PREX2: variants seen among roughly 807,000 people sequenced by gnomAD.
PREX2 encodes phosphatidylinositol 3,4,5-trisphosphate-dependent Rac exchanger 2 protein.
A neutral mutation model predicts 203.2 loss-of-function variants in PREX2; 107 were observed. That is an observed-to-expected ratio of 0.53 (90% CI 0.45 to 0.62). PREX2 has a LOEUF of 0.62. Ranked by LOEUF, PREX2 falls within the 20% of genes least tolerant of loss-of-function variation. The probability of loss-of-function intolerance (pLI) is 0.00; values close to 1 mark genes in which losing one functional copy is unlikely to be tolerated. For missense variants in PREX2, 1,777 were observed against 1,955.9 expected, an observed-to-expected ratio of 0.91 and a Z score of 1.72; for synonymous variants, 672 against 663.6, an observed-to-expected ratio of 1.01 and a Z score of -0.19.
At chr8:67,964,799 G>C (rs532068138) in intron 1 of PREX2, among the ~76,000 whole-genome samples, 3 of 152,224 alleles carry the variant, frequency 2.0e-5, no homozygotes, top group African/African-American at 7.2e-5. Context: ...ATTAACTCAC[G>C]ACTTAGAACT....
chr8:68,153,837 T>G (rs1212502725), intron 34 of PREX2, among the ~76,000 whole-genome samples: 2 of 152,244 alleles, frequency 1.3e-5, no homozygotes, highest in African/African-American at 4.8e-5. Context: ...ACTTTTCCAA[T>G]TTTTAAAAAA....
Position 68,118,122 on chromosome 8 carries a change from G to A in PREX2, c.3327-428G>A, listed in dbSNP as rs532586761. On this transcript the variant is annotated intron_variant, in intron 26 of 39. Transcript: ENST00000288368. ...TGTAATCCCAGCACTTTGGGAGGCC[G>A]AGGTGGGCGGATCACAAGGTCAGGA... Among the ~76,000 whole-genome samples the A allele has an allele frequency of 2.8e-4, 43 of 152,204 alleles. 1 individual carries two copies. Among genetic ancestry groups the A allele is most frequent in the South Asian group, 1.0e-3 (5 of 4,816 alleles).
In PREX2 at chr8:68,055,890, T is replaced by C; in HGVS notation, c.1154T>C (p.Leu385Pro). ...WVMISEQGEK[L>P]YKMMCRQGNL... Reference sequence around the variant, plus strand: ...ATGATCTCTGAACAGGGTGAGAAACTTTATAAAATGATGTGCAGACAAGGA... The same window carrying C: ...ATGATCTCTGAACAGGGTGAGAAACCTTATAAAATGATGTGCAGACAAGGA... The change falls in exon 10 of 40, where the codon CTT becomes CCT. Residue 385 changes from leucine to proline, a missense_variant. Physicochemically the swap from Leu to Pro is moderately conservative, Grantham distance 98 (BLOSUM62 -3). Transcript: ENST00000288368. 6.2e-7 allele frequency: 1 copy of C among 1,613,466 alleles called. No individual in the cohort carries two copies. The highest frequency in any genetic ancestry group is 8.5e-7 in the Non-Finnish European group (1 of 1,179,486).
At position 68,080,752 on chromosome 8, in the gene PREX2, T is replaced by C. The variant is rs190257832; in HGVS notation, c.1792T>C (p.Ser598Pro). The C allele has an allele frequency of 6.4e-7, 1 of 1,554,874 alleles. No individual in the cohort carries two copies. Among genetic ancestry groups the C allele is most frequent in the East Asian group, 2.2e-5 (1 of 44,576 alleles). Reference protein sequence around the residue: ...NVIAKSLLIKSNEGSYGFGLE... With the variant: ...NVIAKSLLIKPNEGSYGFGLE... ...TTAATATTTTGCATTTCAGATTAAATCCAATGAAGGCAGCTATGGCTTTGG... is the reference window on the plus strand; with the variant it reads ...TTAATATTTTGCATTTCAGATTAAACCCAATGAAGGCAGCTATGGCTTTGG... Residue 598 changes from serine to proline, a missense_variant, in exon 17 of 40, where the codon TCC (serine) becomes CCC (proline). Ser to Pro is a moderately conservative substitution (Grantham distance 74). Coordinates refer to ENST00000288368, the MANE Select transcript of PREX2 (RefSeq NM_024870.4).
At chr8:68,155,863 A>T (rs543509267) in intron 34 of PREX2, among the ~76,000 whole-genome samples, 1 of 152,292 alleles carries the variant, frequency 6.6e-6, no homozygotes, top group Admixed American at 6.5e-5. Flanking sequence ...TTAAAAAGGA[A>T]ATTTATATGC....
chr8:68,108,903 A>C (rs1434761), intron 24 of PREX2: 76,033 of 275,188 alleles, frequency 0.28, 11,026 homozygotes, highest in South Asian at 0.34. Context: ...TGACAACATA[A>C]ATGAACCTGG....
chr8:68,146,477 A>G, intron 34 of PREX2, 125 bp downstream of exon 34: 2 of 847,882 alleles, frequency 2.4e-6, no homozygotes, highest in Non-Finnish European at 1.8e-6. Flanking sequence ...TAGCCAATAT[A>G]TTTGCTTCTG....
chr8:68,073,189 T>C (rs1407845961), intron 14 of PREX2, among the ~76,000 whole-genome samples: 1 of 150,906 alleles, frequency 6.6e-6, no homozygotes, highest in Admixed American at 6.7e-5. Flanking sequence ...TAAGTATTGG[T>C]ATTCAAATAT....
chr8:67,993,189 C>T (rs1056628485), intron 1 of PREX2, among the ~76,000 whole-genome samples: 1 of 152,170 alleles, frequency 6.6e-6, no homozygotes, highest in South Asian at 2.1e-4. Context: ...AAATAGTTTT[C>T]TCAAGTTAAA....
At chr8:68,113,510 G>A (rs1810577065) in intron 25 of PREX2, among the ~76,000 whole-genome samples, 1 of 152,156 alleles carries the variant, frequency 6.6e-6, no homozygotes, top group South Asian at 2.1e-4. Context: ...GGACATAAAA[G>A]TATCTTTCCA....
In PREX2 at chr8:68,053,361, T is replaced by C; in HGVS notation, c.1093+115T>C. 2.7e-6 allele frequency: 3 copies of C among 1,121,854 alleles called. 1 individual carries two copies. The highest frequency in any genetic ancestry group is 1.3e-6 in the Non-Finnish European group (1 of 780,338). 69.5% of individuals were successfully genotyped at this position (1,121,854 alleles called of 1,614,324 possible). ...GGTATATGATGGTCACTTGATTTAT[T>C]AGGTTGGTGCAAAAGTTATTGCAGT... On this transcript the variant is annotated intron_variant, in intron 9 of 39. Coordinates refer to ENST00000288368, the MANE Select transcript of PREX2 (RefSeq NM_024870.4).
intron 1 of PREX2, among the ~76,000 whole-genome samples, chr8:67,953,051 T>A (rs1400696770): frequency 1.3e-5 from 2 of 152,068 alleles, no homozygotes; most frequent in Admixed American, 6.5e-5. Flanking sequence ...TTAGTTATGG[T>A]CTTTGAGACA....
intron 1 of PREX2, among the ~76,000 whole-genome samples, chr8:68,009,330 C>G (rs75478369): frequency 0.032 from 4,816 of 152,296 alleles, 113 homozygotes; most frequent in Non-Finnish European, 0.049. Context: ...ATACAATGTA[C>G]TTTGTACTTC....
At chr8:68,132,021 T>C (rs139433647) in intron 31 of PREX2, among the ~76,000 whole-genome samples, 87 of 152,312 alleles carry the variant, frequency 5.7e-4, no homozygotes, top group African/African-American at 1.9e-3. Context: ...ATTTTACTTA[T>C]TTAGTTTCTG....
intron 37 of PREX2, among the ~76,000 whole-genome samples, chr8:68,197,643 T>G (rs745363929): frequency 9.9e-5 from 15 of 151,294 alleles, no homozygotes; most frequent in Admixed American, 9.9e-4. Context: ...GAAGGACACA[T>G]TTGGACCAGA....
chr8:67,981,843 A>G lies in PREX2; in HGVS notation c.141+29308A>G, dbSNP rs2129609215. ...GAACTATGTGCTGTGAGGTTTTCTT[A>G]GTGGTTTTACTACTGGGAAGTGACT... On this transcript the variant is annotated intron_variant, in intron 1 of 39. Transcript: ENST00000288368. Among the ~76,000 whole-genome samples, 3 of 152,276 alleles carry G rather than the reference A, an allele frequency of 2.0e-5. 1 individual carries two copies.
At chr8:68,015,621 C>G (rs554981470) in intron 1 of PREX2, among the ~76,000 whole-genome samples, 1 of 152,022 alleles carries the variant, frequency 6.6e-6, no homozygotes, top group Non-Finnish European at 1.5e-5. Flanking sequence ...TTTGCTTGCA[C>G]GAGAGGTTAC....
At chr8:68,107,992 T>C (rs1810452334) in intron 23 of PREX2, 117 bp from the exon 24 acceptor site, 3 of 642,548 alleles carry the variant, frequency 4.7e-6, no homozygotes, top group Non-Finnish European at 8.1e-6. Context: ...TTTCACTCAT[T>C]CCAGTTGACA....
At chr8:68,091,138 T>C (rs1809861484) in intron 20 of PREX2, among the ~76,000 whole-genome samples, 1 of 152,188 alleles carries the variant, frequency 6.6e-6, no homozygotes, top group Admixed American at 6.5e-5. Flanking sequence ...ATTGTGGGTT[T>C]TATAAGGTCC....
Sources: gnomAD v4.1 joint callset for allele counts (sites outside exome capture counted in the v4.1 genomes callset) on GRCh38, gnomAD v4.1.1 for gene constraint, MANE v1.5 for transcripts, NCBI Gene and HGNC (gene_info 2026-07-23, HGNC 2026-07-21) for gene names.